The following GSX1 variants were observed in gnomAD, a reference collection of about 807,000 sequenced individuals.
GSX1 encodes the protein GS homeobox 1, also known as GS homeo box protein 1.
GSX1 carries 13 observed loss-of-function variants against 17.7 expected under a neutral mutation model. The observed-to-expected ratio is 0.74, with a 90% CI of 0.48 to 1.17. The LOEUF is 1.17. GSX1 is among the 50% of genes most tolerant of loss of function. The pLI, the probability that GSX1 is intolerant of heterozygous loss-of-function variation, is 0.00. For synonymous variants in GSX1, 202 were observed against 176.2 expected, an observed-to-expected ratio of 1.15 and a Z score of -1.16; for missense variants, 371 against 372.1, an observed-to-expected ratio of 1.00 and a Z score of 0.02.
rs1160038496 is a variant in GSX1 at position 27,792,970 on chromosome 13, C to T, written c.280C>T (p.Pro94Ser). Reference sequence around the variant, plus strand: ...CTTCGGCTCGCAGTACTGCCACGCGCCCCTGGGCCGCCAGCACTCTGCTGT... The same window carrying T: ...CTTCGGCTCGCAGTACTGCCACGCGTCCCTGGGCCGCCAGCACTCTGCTGT... ...PPFGSQYCHA[P>S]LGRQHSAVSP... The change falls in exon 1 of 2, where the codon CCC (proline) becomes TCC (serine). Residue 94 changes from proline (P) to serine (S), a missense_variant. This residue lies in a region of GSX1 where 212 missense variants were observed against 193.9 expected (regional missense o/e 1.09). Coordinates refer to ENST00000302945, the MANE Select transcript of GSX1 (RefSeq NM_145657.3). 7 of 1,550,212 alleles carry T rather than the reference C, an allele frequency of 4.5e-6. No homozygotes were observed. Among genetic ancestry groups the T allele is most frequent in the South Asian group, 1.2e-5 (1 of 85,452 alleles).
rs750984675 is a variant in GSX1, at chr13:27,793,019, C to A, written c.329C>A (p.Pro110Gln). ...GTGTCGCCCGGGGTCGCTCACGGCC[C>A]GGCCGCCGCTGCTGCTGCCGCCGCG... The part of the protein sequence containing the change: ...SAVSPGVAHG[P>Q]AAAAAAAALY... Residue 110 changes from proline (P) to glutamine (Q), a missense_variant, in exon 1 of 2, where the codon CCG becomes CAG. Physicochemically the swap from Pro to Gln is moderately conservative, Grantham distance 76. Coordinates refer to ENST00000302945, the MANE Select transcript of GSX1 (RefSeq NM_145657.3). This position sits in a 1 kb window ranked among gnomAD's most constrained non-coding sequence, Gnocchi z 6.2. The A allele has an allele frequency of 6.3e-7, 1 of 1,579,276 alleles. No individual in the cohort carries two copies. The highest frequency in any genetic ancestry group is 8.5e-7 in the Non-Finnish European group (1 of 1,170,510).
At position 27,794,120 on chromosome 13, in the gene GSX1, T is replaced by C; in HGVS notation, c.*172T>C. The C allele has an allele frequency of 1.4e-6, 1 of 713,574 alleles. No individual in the cohort carries two copies. The highest frequency in any genetic ancestry group is 2.2e-6 in the Non-Finnish European group (1 of 452,682). The allele number at this position is 713,574 out of a possible 1,614,324, so 44.2% of individuals were successfully genotyped here. ...GCAGGGCTGAGAGCTTGGCAGAGAC[T>C]GGACCATGGCGTCCCCGCCCCAGGG... On this transcript the variant is annotated 3_prime_UTR_variant, in exon 2 of 2. Coordinates refer to ENST00000302945, the MANE Select transcript of GSX1 (RefSeq NM_145657.3).
Position 27,793,787 on chromosome 13 carries a change from C to T in GSX1, c.634C>T (p.Arg212Cys). Reference protein sequence around the residue: ...HKKEGKGSNHRGGGGGGAGGG... With the variant: ...HKKEGKGSNHCGGGGGGAGGG... Reference sequence around the variant, plus strand: ...GAAGGAGGGCAAGGGCAGCAACCATCGTGGCGGCGGCGGCGGGGGTGCCGG... The same window carrying T: ...GAAGGAGGGCAAGGGCAGCAACCATTGTGGCGGCGGCGGCGGGGGTGCCGG... The change falls in exon 2 of 2, where the codon CGT becomes TGT. Residue 212 changes from arginine (R) to cysteine (C), a missense_variant. Transcript: ENST00000302945. The surrounding 1 kb of genome is among the most constrained non-coding windows in gnomAD (Gnocchi z 6.2). 2 of 1,613,994 alleles carry T rather than the reference C, an allele frequency of 1.2e-6. No individual in the cohort carries two copies. Among genetic ancestry groups the T allele is most frequent in the Non-Finnish European group, 1.7e-6 (2 of 1,179,922 alleles).
Position 27,793,344 on chromosome 13 carries a change from G to T in GSX1, c.413-222G>T, listed in dbSNP as rs1335430454. Among the ~76,000 whole-genome samples the T allele has an allele frequency of 6.6e-6, 1 of 152,144 alleles. No homozygotes were observed. The highest frequency in any genetic ancestry group is 1.5e-5 in the Non-Finnish European group (1 of 68,022). On this transcript the variant is annotated intron_variant, in intron 1 of 1. Coordinates refer to ENST00000302945, the MANE Select transcript of GSX1 (RefSeq NM_145657.3). This position sits in a 1 kb window ranked among gnomAD's most constrained non-coding sequence, Gnocchi z 6.2. ...GGGTAAGTGAGGGCTGGGATCCAAG[G>T]CTCTCCATGAAGGGGAAGGGGTTCC...
chr13:27,793,284 T>A lies in GSX1; in HGVS notation c.412+182T>A, dbSNP rs981455644. Among the ~76,000 whole-genome samples the A allele has an allele frequency of 5.3e-5, 8 of 152,094 alleles. No homozygotes were observed. Among genetic ancestry groups the A allele is most frequent in the African/African-American group, 1.9e-4 (8 of 41,502 alleles). ...CCGGGACACAACGCCAGGAGGCGGA[T>A]GAGGGCAGACGTCCAGGTCCTGGAG... is the stretch of plus-strand genomic sequence containing the variant. On this transcript the variant is annotated intron_variant, in intron 1 of 1. Coordinates refer to ENST00000302945, the MANE Select transcript of GSX1 (RefSeq NM_145657.3). The surrounding 1 kb of genome is among the most constrained non-coding windows in gnomAD (Gnocchi z 6.2).
chr13:27,792,608 G>T lies in GSX1; in HGVS notation c.-83G>T. ...GGCAGAGGCAGCTGCGGGATACCGC[G>T]GCCAGGGAAAGCGCGTGGAGAGCCG... is the stretch of plus-strand genomic sequence containing the variant. On this transcript the variant is annotated 5_prime_UTR_variant, in exon 1 of 2. Coordinates refer to ENST00000302945, the MANE Select transcript of GSX1 (RefSeq NM_145657.3). The T allele has an allele frequency of 1.7e-6, 2 of 1,175,512 alleles. No individual in the cohort carries two copies. The highest frequency in any genetic ancestry group is 2.2e-6 in the Non-Finnish European group (2 of 908,142). 72.8% of individuals were successfully genotyped at this position (1,175,512 alleles called of 1,614,324 possible).
In GSX1 at chr13:27,792,812, G is replaced by A; in HGVS notation, c.122G>A (p.Gly41Asp). 2 of 1,507,336 alleles carry A rather than the reference G, an allele frequency of 1.3e-6. No homozygotes were observed. Among genetic ancestry groups the A allele is most frequent in the Non-Finnish European group, 1.8e-6 (2 of 1,135,870 alleles). The allele number at this position is 1,507,336 out of a possible 1,614,324, so 93.4% of individuals were successfully genotyped here. ...YAVPPPHALHGLSPGACHARK... is the reference protein window; with the variant it reads ...YAVPPPHALHDLSPGACHARK... ...GTGCCCCCGCCGCACGCGCTGCACG[G>A]TCTCTCGCCTGGCGCCTGCCACGCG... is the stretch of plus-strand genomic sequence containing the variant. The change falls in exon 1 of 2, where the codon GGT (glycine) becomes GAT (aspartate). Residue 41 changes from glycine (G) to aspartate (D), a missense_variant. By Grantham distance (94) the Gly-to-Asp change is moderately conservative. Around this residue, in one of 3 missense-constraint regions of GSX1, gnomAD observed 212 missense variants for 193.9 expected, o/e 1.09. Coordinates refer to ENST00000302945, the MANE Select transcript of GSX1 (RefSeq NM_145657.3).
Position 27,794,055 on chromosome 13 carries a change from G to A in GSX1, c.*107G>A. The stretch of plus-strand genomic sequence containing the variant: ...GCACCCGCAGCCAAACCACTGCCTG[G>A]CATGGATTTGGCACTGCTTTGCAGA... On this transcript the variant is annotated 3_prime_UTR_variant, in exon 2 of 2. Transcript: ENST00000302945. The A allele has an allele frequency of 7.8e-7, 1 of 1,278,906 alleles. No homozygotes were observed. Among genetic ancestry groups the A allele is most frequent in the Non-Finnish European group, 1.1e-6 (1 of 939,948 alleles). 79.2% of individuals were successfully genotyped at this position (1,278,906 alleles called of 1,614,324 possible).
chr13:27,794,057 A>G lies in GSX1; in HGVS notation c.*109A>G, dbSNP rs1957085288. On this transcript the variant is annotated 3_prime_UTR_variant, in exon 2 of 2. Coordinates refer to ENST00000302945, the MANE Select transcript of GSX1 (RefSeq NM_145657.3). ...ACCCGCAGCCAAACCACTGCCTGGCATGGATTTGGCACTGCTTTGCAGAGG... is the reference window on the plus strand; with the variant it reads ...ACCCGCAGCCAAACCACTGCCTGGCGTGGATTTGGCACTGCTTTGCAGAGG... The G allele has an allele frequency of 1.6e-6, 2 of 1,273,320 alleles. No individual in the cohort carries two copies. Among genetic ancestry groups the G allele is most frequent in the Non-Finnish European group, 2.1e-6 (2 of 935,112 alleles). The allele number at this position is 1,273,320 out of a possible 1,614,324, so 78.9% of individuals were successfully genotyped here.
Position 27,793,746 on chromosome 13 carries a change from G to A in GSX1, c.593G>A (p.Arg198His). Residue 198 changes from arginine (R) to histidine (H), a missense_variant, in exon 2 of 2, where the codon CGC becomes CAC. Transcript: ENST00000302945. This position sits in a 1 kb window ranked among gnomAD's most constrained non-coding sequence, Gnocchi z 6.2. ...EKQVKIWFQNRRVKHKKEGKG... is the reference protein window; with the variant it reads ...EKQVKIWFQNHRVKHKKEGKG... ...CAGGTGAAGATCTGGTTTCAGAACC[G>A]CCGAGTGAAGCACAAGAAGGAGGGC... 6.2e-7 allele frequency: 1 copy of A among 1,614,178 alleles called. No individual in the cohort carries two copies. The highest frequency in any genetic ancestry group is 8.5e-7 in the Non-Finnish European group (1 of 1,180,028).
Position 27,794,195 on chromosome 13 carries a change from G to C in GSX1, c.*247G>C. On this transcript the variant is annotated 3_prime_UTR_variant, in exon 2 of 2. Transcript: ENST00000302945. ...CAAGCTGTGAACACTGTAAGCGCTC[G>C]AGTCCTCCTGGGCAGTGCAGCACCG... The C allele has an allele frequency of 2.0e-6, 1 of 501,550 alleles. No individual in the cohort carries two copies. The highest frequency in any genetic ancestry group is 3.5e-6 in the Non-Finnish European group (1 of 285,734). 31.1% of individuals were successfully genotyped at this position (501,550 alleles called of 1,614,324 possible). A position where few individuals can be genotyped will look rare whatever the true frequency, so the allele number is the denominator to read the frequency against.
Position 27,793,882 on chromosome 13 carries a change from C to A in GSX1, c.729C>A (p.Asp243Glu). Residue 243 changes from aspartate to glutamate, a missense_variant, in exon 2 of 2, where the codon GAC becomes GAA. By Grantham distance (45) the Asp-to-Glu change is conservative. Coordinates refer to ENST00000302945, the MANE Select transcript of GSX1 (RefSeq NM_145657.3). The surrounding 1 kb of genome is among the most constrained non-coding windows in gnomAD (Gnocchi z 6.2). ...SLSSAKCSED[D>E]DELPMSPSSS... ...CCTCAGCCAAGTGCTCCGAGGATGA[C>A]GACGAATTGCCCATGTCTCCGTCCT... The A allele has an allele frequency of 6.3e-7, 1 of 1,591,898 alleles. No individual in the cohort carries two copies. The highest frequency in any genetic ancestry group is 2.2e-5 in the East Asian group (1 of 44,688).
At position 27,793,885 on chromosome 13, in the gene GSX1, C is replaced by T; in HGVS notation, c.732C>T (p.Asp244=). Residue 244 remains aspartate, a synonymous_variant, in exon 2 of 2, where the codon GAC becomes GAT. Coordinates refer to ENST00000302945, the MANE Select transcript of GSX1 (RefSeq NM_145657.3). The surrounding 1 kb of genome is among the most constrained non-coding windows in gnomAD (Gnocchi z 6.2). ...CAGCCAAGTGCTCCGAGGATGACGA[C>T]GAATTGCCCATGTCTCCGTCCTCCT... The part of the protein sequence containing the change: ...LSSAKCSEDD[D]ELPMSPSSSG... The T allele has an allele frequency of 6.3e-7, 1 of 1,590,558 alleles. No individual in the cohort carries two copies. Among genetic ancestry groups the T allele is most frequent in the Non-Finnish European group, 8.6e-7 (1 of 1,166,698 alleles).
In GSX1 at chr13:27,793,170, G is replaced by A; in HGVS notation, c.412+68G>A. 2 of 1,411,268 alleles carry A rather than the reference G, an allele frequency of 1.4e-6. No individual in the cohort carries two copies. The highest frequency in any genetic ancestry group is 9.3e-7 in the Non-Finnish European group (1 of 1,077,474). 87.4% of individuals were successfully genotyped at this position (1,411,268 alleles called of 1,614,324 possible). On this transcript the variant is annotated intron_variant, in intron 1 of 1. Coordinates refer to ENST00000302945, the MANE Select transcript of GSX1 (RefSeq NM_145657.3). This position sits in a 1 kb window ranked among gnomAD's most constrained non-coding sequence, Gnocchi z 6.2. Reference sequence around the variant, plus strand: ...CGAAGCAGGATGGAGAGCCAGAGATGGAGGAAGAGGGACCCTGGGCTTTCT... The same window carrying A: ...CGAAGCAGGATGGAGAGCCAGAGATAGAGGAAGAGGGACCCTGGGCTTTCT...
chr13:27,793,693 C>T lies in GSX1; in HGVS notation c.540C>T (p.Ile180=), dbSNP rs115980353. The T allele has an allele frequency of 7.3e-4, 1,176 of 1,614,196 alleles. 4 individuals are homozygous for T. In the African/African-American group the frequency reaches 0.013, roughly 18 times the overall value. The change falls in exon 2 of 2, where the codon ATC becomes ATT. Residue 180 remains isoleucine (I), a synonymous_variant. Coordinates refer to ENST00000302945, the MANE Select transcript of GSX1 (RefSeq NM_145657.3). This position sits in a 1 kb window ranked among gnomAD's most constrained non-coding sequence, Gnocchi z 6.2. ...TGTCCCGCCTACGTCGCATCGAGAT[C>T]GCGACCTACCTGAATCTGTCCGAGA... The part of the protein sequence containing the change: ...MYLSRLRRIE[I]ATYLNLSEKQ...
At position 27,792,555 on chromosome 13, in the gene GSX1, A is replaced by C. The variant is rs1157732008; in HGVS notation, c.-136A>C. On this transcript the variant is annotated 5_prime_UTR_variant, in exon 1 of 2. Coordinates refer to ENST00000302945, the MANE Select transcript of GSX1 (RefSeq NM_145657.3). ...GCAGCAGAGGCTACTGTTTCAGCCT[A>C]GGTCTCAGCCGCGCGTTCAGCCTCC... 1 of 714,084 alleles carries C rather than the reference A, an allele frequency of 1.4e-6. No homozygotes were observed. The allele number at this position is 714,084 out of a possible 1,614,324, so 44.2% of individuals were successfully genotyped here. A position where few individuals can be genotyped will look rare whatever the true frequency, so the allele number is the denominator to read the frequency against.
In GSX1 at chr13:27,793,196, G is replaced by A; in HGVS notation, c.412+94G>A. ...GAGGAAGAGGGACCCTGGGCTTTCT[G>A]GGGGCGGTGAGGGTCATGTCGGGGA... On this transcript the variant is annotated intron_variant, in intron 1 of 1. Transcript: ENST00000302945. This position sits in a 1 kb window ranked among gnomAD's most constrained non-coding sequence, Gnocchi z 6.2. 6 of 1,343,260 alleles carry A rather than the reference G, an allele frequency of 4.5e-6. No homozygotes were observed. Among genetic ancestry groups the A allele is most frequent in the Non-Finnish European group, 5.9e-6 (6 of 1,020,264 alleles). 83.2% of individuals were successfully genotyped at this position (1,343,260 alleles called of 1,614,324 possible).
chr13:27,794,079 G>A lies in GSX1; in HGVS notation c.*131G>A. On this transcript the variant is annotated 3_prime_UTR_variant, in exon 2 of 2. Coordinates refer to ENST00000302945, the MANE Select transcript of GSX1 (RefSeq NM_145657.3). ...GGCATGGATTTGGCACTGCTTTGCA[G>A]AGGTCCCGGGCCTGGGCAGGGCTGA... The A allele has an allele frequency of 9.7e-7, 1 of 1,026,572 alleles. No homozygotes were observed. The highest frequency in any genetic ancestry group is 1.4e-6 in the Non-Finnish European group (1 of 721,974). 63.6% of individuals were successfully genotyped at this position (1,026,572 alleles called of 1,614,324 possible).
At position 27,793,709 on chromosome 13, in the gene GSX1, C is replaced by A; in HGVS notation, c.556C>A (p.Leu186Met). 6.2e-7 allele frequency: 1 copy of A among 1,614,220 alleles called. No homozygotes were observed. The highest frequency in any genetic ancestry group is 8.5e-7 in the Non-Finnish European group (1 of 1,180,038). Residue 186 changes from leucine (L) to methionine (M), a missense_variant, in exon 2 of 2, where the codon CTG (leucine) becomes ATG (methionine). Leu to Met is a conservative substitution (Grantham distance 15). Transcript: ENST00000302945. This position sits in a 1 kb window ranked among gnomAD's most constrained non-coding sequence, Gnocchi z 6.2. ...CATCGAGATCGCGACCTACCTGAAT[C>A]TGTCCGAGAAGCAGGTGAAGATCTG... is the stretch of plus-strand genomic sequence containing the variant. ...RRIEIATYLN[L>M]SEKQVKIWFQ...
Sources: gnomAD v4.1 joint callset for allele counts (sites outside exome capture counted in the v4.1 genomes callset) on GRCh38, gnomAD v4.1.1 for gene constraint, gnomAD v4.1.1 regional missense constraint, Gnocchi (gnomAD v3.1) non-coding constraint, MANE v1.5 for transcripts, NCBI Gene and HGNC (gene_info 2026-07-23, HGNC 2026-07-21) for gene names.